The following CHCHD3 variants were observed in gnomAD, a reference collection of about 807,000 sequenced individuals.
CHCHD3 encodes the protein coiled-coil-helix-coiled-coil-helix domain containing 3.
In CHCHD3, 20 loss-of-function variants were observed where a neutral mutation model predicts 38.2. The observed-to-expected ratio is 0.52, with a 90% CI of 0.37 to 0.76. CHCHD3 has a LOEUF of 0.76. CHCHD3 is among the 30% of genes least tolerant of loss of function. The probability of loss-of-function intolerance (pLI) is 0.00; values close to 1 mark genes in which losing one functional copy is unlikely to be tolerated. For synonymous variants in CHCHD3, 82 were observed against 100.0 expected, an observed-to-expected ratio of 0.82 and a Z score of 1.07; for missense variants, 245 against 279.2, an observed-to-expected ratio of 0.88 and a Z score of 0.87.
chr7:133,034,568 A>C, intron 2 of CHCHD3: 1 of 1,199,762 alleles, frequency 8.3e-7, no homozygotes, highest in Non-Finnish European at 1.2e-6. Context: ...CATCTCCCTG[A>C]AGGGCAGGTG....
chr7:133,081,597 G>C (rs963974201), intron 1 of CHCHD3, among the ~76,000 whole-genome samples: 2 of 152,172 alleles, frequency 1.3e-5, no homozygotes, highest in African/African-American at 4.8e-5. Flanking sequence ...CGAGTAGACT[G>C]TGAGCCCTTG....
chr7:132,828,201 T>G (rs1353170717), intron 6 of CHCHD3, among the ~76,000 whole-genome samples: 3 of 152,208 alleles, frequency 2.0e-5, no homozygotes, highest in Non-Finnish European at 4.4e-5. Context: ...GCCAACATTT[T>G]TTTTCAAAGG....
intron 4 of CHCHD3, among the ~76,000 whole-genome samples, chr7:132,947,015 C>A (rs914161215): frequency 6.6e-6 from 1 of 151,868 alleles, no homozygotes; most frequent in Non-Finnish European, 1.5e-5. Context: ...AACCTTTCCT[C>A]TTTCTCAAAA....
chr7:132,923,510 A>C (rs955571288), intron 4 of CHCHD3, among the ~76,000 whole-genome samples: 1 of 152,140 alleles, frequency 6.6e-6, no homozygotes, highest in Non-Finnish European at 1.5e-5. Flanking sequence ...AACCAGCTGG[A>C]ATATAGTAGT....
At chr7:132,970,636 T>C (rs139689157) in intron 4 of CHCHD3, among the ~76,000 whole-genome samples, 5 of 152,328 alleles carry the variant, frequency 3.3e-5, no homozygotes, top group Non-Finnish European at 7.3e-5. Context: ...TCATAGATCA[T>C]TAGTACCTAA....
At chr7:132,793,038 T>C (rs1806504986) in intron 7 of CHCHD3, among the ~76,000 whole-genome samples, 1 of 152,166 alleles carries the variant, frequency 6.6e-6, no homozygotes. Context: ...TTCCCCTTTT[T>C]TAAAAAACAG....
intron 4 of CHCHD3, among the ~76,000 whole-genome samples, chr7:132,902,700 G>C (rs942292130): frequency 1.3e-5 from 2 of 152,104 alleles, no homozygotes; most frequent in Admixed American, 1.3e-4. Context: ...GATAGCATTA[G>C]GAGAAATACC....
In CHCHD3 at chr7:133,027,681, T is replaced by C. The variant is rs921398334; in HGVS notation, c.170-3054A>G. Among the ~76,000 whole-genome samples, 3 of 152,304 alleles carry C rather than the reference T, an allele frequency of 2.0e-5. No individual in the cohort carries two copies. In the South Asian group the frequency reaches 6.2e-4, roughly 32 times the overall value. On this transcript the variant is annotated intron_variant, in intron 2 of 7. Coordinates refer to ENST00000262570, the MANE Select transcript of CHCHD3 (RefSeq NM_017812.4). ...TCTGTTTTGCCTCTCTCCTACTTCA[T>C]AGTCTATATAGCATGAGAAAAATAT... is the stretch of plus-strand genomic sequence containing the variant.
At chr7:133,023,809 G>A (rs1032540612) in intron 3 of CHCHD3, among the ~76,000 whole-genome samples, 3 of 152,050 alleles carry the variant, frequency 2.0e-5, no homozygotes, top group African/African-American at 4.8e-5. Context: ...TCAGCACACA[G>A]GGCTATAACT....
intron 2 of CHCHD3, among the ~76,000 whole-genome samples, chr7:133,046,815 G>C (rs892660342): frequency 6.6e-6 from 1 of 152,042 alleles, no homozygotes; most frequent in African/African-American, 2.4e-5. Context: ...TGCCCGTCTC[G>C]GCCTCCCAAA....
chr7:132,807,266 T>A (rs1358658328), intron 6 of CHCHD3, among the ~76,000 whole-genome samples: 1 of 152,160 alleles, frequency 6.6e-6, no homozygotes, highest in Non-Finnish European at 1.5e-5. Flanking sequence ...TGCTCAACGC[T>A]GGCAAGGGAT....
At chr7:132,986,647 A>G (rs6467455) in intron 3 of CHCHD3, among the ~76,000 whole-genome samples, 67,680 of 152,036 alleles carry the variant, frequency 0.45, 15,335 homozygotes, top group East Asian at 0.55. Context: ...CTGCTGACCA[A>G]GAAACAGCAA....
At chr7:132,845,931 A>C (rs1294718823) in intron 5 of CHCHD3, among the ~76,000 whole-genome samples, 1 of 152,208 alleles carries the variant, frequency 6.6e-6, no homozygotes, top group Non-Finnish European at 1.5e-5. Flanking sequence ...GATTGATGGT[A>C]TCACCTTTTA....
At chr7:132,943,839 C>T (rs1191249825) in intron 4 of CHCHD3, among the ~76,000 whole-genome samples, 1 of 152,112 alleles carries the variant, frequency 6.6e-6, no homozygotes, top group African/African-American at 2.4e-5. Flanking sequence ...ATTTCACTAT[C>T]TGTCTCTTCA....
In CHCHD3 at chr7:133,015,811, T is replaced by G. The variant is rs558438947; in HGVS notation, c.251+8735A>C. ...GTGTAATTTATAAAGAAAAGGCGTTTAATTAGCTCACGGTTCTACAGGCTG... is the reference window on the plus strand; with the variant it reads ...GTGTAATTTATAAAGAAAAGGCGTTGAATTAGCTCACGGTTCTACAGGCTG... On this transcript the variant is annotated intron_variant, in intron 3 of 7. Coordinates refer to ENST00000262570, the MANE Select transcript of CHCHD3 (RefSeq NM_017812.4). Among the ~76,000 whole-genome samples the G allele has an allele frequency of 3.9e-5, 6 of 152,320 alleles. No homozygotes were observed. In the South Asian group the frequency reaches 1.2e-3, roughly 32 times the overall value.
rs913984418 is a variant in CHCHD3 at position 132,940,267 on chromosome 7, TC to T, written c.369+34901del. Among the ~76,000 whole-genome samples, 123 of 152,286 alleles carry T rather than the reference TC, an allele frequency of 8.1e-4. 1 individual carries two copies. Among genetic ancestry groups the T allele is most frequent in the Non-Finnish European group, 8.7e-4 (59 of 68,018 alleles). The stretch of plus-strand genomic sequence containing the variant: ...CAGTTTCCAAACCATTTAACACCTC[TC>T]AGCACACAGAAGCTAGATGTGTATG... On this transcript the variant is annotated intron_variant, in intron 4 of 7. Coordinates refer to ENST00000262570, the MANE Select transcript of CHCHD3 (RefSeq NM_017812.4).
intron 5 of CHCHD3, among the ~76,000 whole-genome samples, chr7:132,883,120 T>C (rs568201144): frequency 1.7e-4 from 26 of 152,278 alleles, no homozygotes; most frequent in African/African-American, 6.3e-4. Context: ...GAGGCCTCCC[T>C]AGCCATGGAG....
chr7:132,938,520 A>G (rs981877505), intron 4 of CHCHD3, among the ~76,000 whole-genome samples: 1 of 152,148 alleles, frequency 6.6e-6, no homozygotes, highest in African/African-American at 2.4e-5. Context: ...TAATTTTGGA[A>G]ATCAACACAG....
At chr7:132,840,205 C>G (rs1325940468) in intron 5 of CHCHD3, among the ~76,000 whole-genome samples, 1 of 152,226 alleles carries the variant, frequency 6.6e-6, no homozygotes, top group Non-Finnish European at 1.5e-5. Flanking sequence ...TTAAAATACA[C>G]ACCAGTCACA....
Sources: allele counts gnomAD v4.1 joint callset (sites outside exome capture counted in the v4.1 genomes callset), GRCh38; gene constraint gnomAD v4.1.1; transcripts MANE v1.5; gene names NCBI Gene and HGNC (gene_info 2026-07-23, HGNC 2026-07-21).